APLF: variants seen among roughly 807,000 people sequenced by gnomAD.
APLF encodes the protein aprataxin and PNKP like factor.
Under a neutral mutation model 55.6 loss-of-function variants are expected in APLF, and 61 were observed. The ratio of observed to expected loss-of-function variants is 1.10; its 90% confidence interval spans 0.89 to 1.36. APLF has a LOEUF of 1.36. Among genes scored for constraint, APLF ranks in the 40% most tolerant of loss-of-function variants. The probability of loss-of-function intolerance (pLI) is 0.00; values close to 1 mark genes in which losing one functional copy is unlikely to be tolerated. For synonymous variants in APLF, 207 were observed against 214.8 expected (o/e 0.96, Z 0.32); for missense variants, 611 against 602.5 (o/e 1.01, Z -0.15).
chr2:68,577,208 A>T (rs1181013096), intron 9 of APLF, among the ~76,000 whole-genome samples: 1 of 152,180 alleles, frequency 6.6e-6, no homozygotes, highest in Non-Finnish European at 1.5e-5. Flanking sequence ...GTGATAACAA[A>T]CATTTCTAAA....
chr2:68,544,998 A>C (rs532281724), intron 7 of APLF, among the ~76,000 whole-genome samples, 189 bp from the exon 8 acceptor site: 27 of 152,106 alleles, frequency 1.8e-4, no homozygotes, highest in Non-Finnish European at 2.9e-4. Flanking sequence ...TCCTGTACTG[A>C]GTTTATGTCA....
At chr2:68,566,102 A>G (rs1047995013) in intron 8 of APLF, among the ~76,000 whole-genome samples, 1 of 152,044 alleles carries the variant, frequency 6.6e-6, no homozygotes, top group Non-Finnish European at 1.5e-5. Context: ...ATTTTTCTCC[A>G]CTGCAGTAGA....
intron 6 of APLF, among the ~76,000 whole-genome samples, chr2:68,535,021 G>A (rs1475275643): frequency 6.6e-6 from 1 of 152,144 alleles, no homozygotes; most frequent in Non-Finnish European, 1.5e-5. Context: ...GTTCCATAAA[G>A]AGCATTATGA....
intron 1 of APLF, among the ~76,000 whole-genome samples, chr2:68,482,677 G>A (rs1303594277): frequency 6.6e-6 from 1 of 152,158 alleles, no homozygotes; most frequent in Non-Finnish European, 1.5e-5. Context: ...CCACCAGGCT[G>A]TTTATCCAGC....
chr2:68,491,096 G>T (rs1231490738), intron 2 of APLF, among the ~76,000 whole-genome samples: 1 of 152,016 alleles, frequency 6.6e-6, no homozygotes, highest in Non-Finnish European at 1.5e-5. Flanking sequence ...TTAGTACTTG[G>T]AAATTTTTTG....
chr2:68,577,797 T>C, intron 9 of APLF, 23 bp from the exon 10 acceptor site: 1 of 1,612,142 alleles, frequency 6.2e-7, no homozygotes, highest in Non-Finnish European at 8.5e-7. Context: ...TGATGTGTTG[T>C]GTACCAATCT....
chr2:68,476,766 A>G (rs949680088), intron 1 of APLF, among the ~76,000 whole-genome samples: 3 of 152,190 alleles, frequency 2.0e-5, no homozygotes, highest in Non-Finnish European at 4.4e-5. Context: ...TTAAAACCCA[A>G]AGTCCTAATG....
chr2:68,566,786 C>CTTTTTGTTTGATTCCAGAATATGTTT (rs1671323593), intron 8 of APLF, among the ~76,000 whole-genome samples: 1 of 152,040 alleles, frequency 6.6e-6, no homozygotes, highest in Non-Finnish European at 1.5e-5. Context: ...TCTTCAAACA[C>CTTTTTGTTTGATTCCAGAATATGTTT]TTTTTGTTTG....
At chr2:68,472,252 G>C (rs866417080) in intron 1 of APLF, among the ~76,000 whole-genome samples, 2 of 152,140 alleles carry the variant, frequency 1.3e-5, no homozygotes, top group African/African-American at 4.8e-5. Context: ...GATCTGGAAA[G>C]GAAGGAAGGA....
chr2:68,509,382 AC>A (rs1676974201), intron 3 of APLF, among the ~76,000 whole-genome samples: 1 of 152,120 alleles, frequency 6.6e-6, no homozygotes, highest in African/African-American at 2.4e-5. Flanking sequence ...TAAGAAAAAA[AC>A]AACCCCATCA....
chr2:68,473,039 A>G (rs551997756), intron 1 of APLF, among the ~76,000 whole-genome samples: 1 of 152,262 alleles, frequency 6.6e-6, no homozygotes, highest in South Asian at 2.1e-4. Flanking sequence ...CCCAAAGTTC[A>G]TGGTTTACAC....
At chr2:68,496,690 G>A (rs182484615) in intron 2 of APLF, among the ~76,000 whole-genome samples, 2 of 152,128 alleles carry the variant, frequency 1.3e-5, no homozygotes, top group East Asian at 3.9e-4. Flanking sequence ...CATTCTTTAG[G>A]TCAGACTTCC....
At chr2:68,574,025 GA>G (rs1334329270) in intron 9 of APLF, among the ~76,000 whole-genome samples, 1 of 150,410 alleles carries the variant, frequency 6.6e-6, no homozygotes, top group Non-Finnish European at 1.5e-5. Flanking sequence ...GGCAAAAATA[GA>G]GAAAAGACTT....
At chr2:68,528,304 T>G in intron 6 of APLF, 5 of 1,421,632 alleles carry the variant, frequency 3.5e-6, no homozygotes, top group Non-Finnish European at 4.8e-6. Context: ...ATGTTCTACT[T>G]AACACCCTCA....
chr2:68,546,514 T>C (rs1179336613), intron 8 of APLF, among the ~76,000 whole-genome samples: 1 of 151,868 alleles, frequency 6.6e-6, no homozygotes, highest in African/African-American at 2.4e-5. Flanking sequence ...GTAAATATCC[T>C]GAGGGGAGAA....
intron 9 of APLF, among the ~76,000 whole-genome samples, chr2:68,567,837 G>A (rs1472520784): frequency 6.6e-6 from 1 of 152,014 alleles, no homozygotes; most frequent in Non-Finnish European, 1.5e-5. Flanking sequence ...CTCTTCCAAC[G>A]AGGGACTTTA....
At chr2:68,518,950 T>G (rs1345191560) in intron 5 of APLF, among the ~76,000 whole-genome samples, 1 of 123,580 alleles carries the variant, frequency 8.1e-6, no homozygotes, top group Non-Finnish European at 1.6e-5. Flanking sequence ...TTATATAATA[T>G]TATTAATAAT....
intron 7 of APLF, among the ~76,000 whole-genome samples, chr2:68,540,374 T>C (rs1015888060): frequency 2.0e-5 from 3 of 152,160 alleles, no homozygotes; most frequent in Admixed American, 2.0e-4. Flanking sequence ...TATTCCATGG[T>C]GTATATGTGC....
chr2:68,525,742 C>CTTTTTTTTTTTTTTTTTTTTTTTTTT (rs386390398), intron 5 of APLF, among the ~76,000 whole-genome samples: 2 of 82,030 alleles, frequency 2.4e-5, no homozygotes, highest in African/African-American at 1.2e-4. Context: ...TTCTTTCTTT[C>CTTTTTTTTTTTTTTTTTTTTTTTTTT]TTTTTTTTTT....
Sources: gnomAD v4.1 joint callset for allele counts (sites outside exome capture counted in the v4.1 genomes callset) on GRCh38, gnomAD v4.1.1 for gene constraint, MANE v1.5 for transcripts, NCBI Gene and HGNC (gene_info 2026-07-23, HGNC 2026-07-21) for gene names.